The following AXDND1 variants were observed in gnomAD, a reference collection of about 807,000 sequenced individuals.
AXDND1 encodes the protein axonemal dynein light chain domain-containing protein 1.
AXDND1 carries 110 observed loss-of-function variants against 137.5 expected under a neutral mutation model. The ratio of observed to expected loss-of-function variants is 0.80; its 90% CI spans 0.69 to 0.94. The LOEUF (loss-of-function observed/expected upper bound fraction) is 0.94, where lower values mean the gene tolerates loss of function less well. AXDND1 is among the 40% of genes least tolerant of loss of function. AXDND1 has a pLI of 0.00. For missense variants in AXDND1, 1,191 were observed against 1,169.8 expected, an observed-to-expected ratio of 1.02 and a Z score of -0.26; for synonymous variants, 414 against 399.7, an observed-to-expected ratio of 1.04 and a Z score of -0.43.
At chr1:179,528,491 A>G (rs1283549450) in intron 23 of AXDND1, 60 bp downstream of exon 23, 2 of 1,205,638 alleles carry the variant, frequency 1.7e-6, no homozygotes, top group Admixed American at 1.8e-5. Context: ...TAAAAATGAT[A>G]TGGTGCTAAC....
chr1:179,435,286 C>G (rs1657983303), intron 15 of AXDND1, among the ~76,000 whole-genome samples: 2 of 152,102 alleles, frequency 1.3e-5, no homozygotes, highest in African/African-American at 4.8e-5. Flanking sequence ...TTTATAGATT[C>G]AATGCTTTTC....
intron 25 of AXDND1, among the ~76,000 whole-genome samples, chr1:179,547,125 C>A (rs1672723260): frequency 6.6e-6 from 1 of 152,234 alleles, no homozygotes; most frequent in Non-Finnish European, 1.5e-5. Flanking sequence ...AAGTATCCAT[C>A]TACCAGCAAG....
intron 4 of AXDND1, 46 bp from the exon 5 acceptor site, chr1:179,378,591 C>T (rs747522631): frequency 7.1e-7 from 1 of 1,415,414 alleles, no homozygotes; most frequent in South Asian, 1.5e-5. Context: ...TATGTGGTAT[C>T]CAGATAGAAA....
chr1:179,526,840 T>A (rs887376880), intron 22 of AXDND1, among the ~76,000 whole-genome samples: 1 of 152,210 alleles, frequency 6.6e-6, no homozygotes, highest in African/African-American at 2.4e-5. Flanking sequence ...CAAAACCTAC[T>A]GGGTTACTTT....
chr1:179,493,214 A>G (rs11808139), intron 20 of AXDND1, among the ~76,000 whole-genome samples: 1 of 151,230 alleles, frequency 6.6e-6, no homozygotes, highest in Non-Finnish European at 1.5e-5. Flanking sequence ...CTAACACCAA[A>G]GATTTTTTTT....
At chr1:179,370,915 C>T (rs1324187732) in intron 4 of AXDND1, among the ~76,000 whole-genome samples, 1 of 152,088 alleles carries the variant, frequency 6.6e-6, no homozygotes, top group Admixed American at 6.5e-5. Context: ...CTATAATGTG[C>T]TATTTAAGTA....
At chr1:179,391,790 A>G (rs983468175) in intron 9 of AXDND1, among the ~76,000 whole-genome samples, 1 of 152,024 alleles carries the variant, frequency 6.6e-6, no homozygotes, top group African/African-American at 2.4e-5. Flanking sequence ...CACCTGTCTC[A>G]GCCTCCCAAA....
At chr1:179,443,753 A>G (rs922769046) in intron 15 of AXDND1, among the ~76,000 whole-genome samples, 8 of 152,184 alleles carry the variant, frequency 5.3e-5, no homozygotes, top group Non-Finnish European at 1.5e-5. Flanking sequence ...TCAAGGTTCA[A>G]TAATATCCCA....
In AXDND1 at chr1:179,445,097, A is replaced by G; in HGVS notation, c.1691A>G (p.Lys564Arg). Residue 564 changes from lysine to arginine, a missense_variant, in exon 16 of 26, where the codon AAA becomes AGA. Lys to Arg is a conservative substitution (Grantham distance 26). Transcript: ENST00000367618. Reference sequence around the variant, plus strand: ...GGGCTTGGGATATTTAATCGGCATAAAAGTTTGGAGGGGGAGATGCCATCA... The same window carrying G: ...GGGCTTGGGATATTTAATCGGCATAGAAGTTTGGAGGGGGAGATGCCATCA... ...DIGLGIFNRHKSLEGEMPSER... is the reference protein window; with the variant it reads ...DIGLGIFNRHRSLEGEMPSER... 1.2e-6 allele frequency: 2 copies of G among 1,613,616 alleles called. No homozygotes were observed. Among genetic ancestry groups the G allele is most frequent in the East Asian group, 2.2e-5 (1 of 44,844 alleles).
At chr1:179,476,043 T>G (rs1664584464) in intron 17 of AXDND1, among the ~76,000 whole-genome samples, 1 of 152,226 alleles carries the variant, frequency 6.6e-6, no homozygotes, top group Non-Finnish European at 1.5e-5. Context: ...GAAGAGGTAC[T>G]TGCTTTTCCT....
Position 179,379,392 on chromosome 1 carries a change from T to C in AXDND1, c.496-5T>C. 1.2e-6 allele frequency: 2 copies of C among 1,612,172 alleles called. No individual in the cohort carries two copies. The highest frequency in any genetic ancestry group is 2.2e-5 in the South Asian group (2 of 90,720). On this transcript the variant is annotated splice_polypyrimidine_tract_variant and splice_region_variant and intron_variant, in intron 5 of 25. Transcript: ENST00000367618. Reference sequence around the variant, plus strand: ...TCTTTTATTTTGCTTTTCTTTTCTTTTAAGCCAAAGACACTAACAGATACT... The same window carrying C: ...TCTTTTATTTTGCTTTTCTTTTCTTCTAAGCCAAAGACACTAACAGATACT...
intron 11 of AXDND1, among the ~76,000 whole-genome samples, chr1:179,401,519 TC>T (rs1449615573): frequency 2.0e-5 from 3 of 152,168 alleles, no homozygotes; most frequent in Admixed American, 6.5e-5. Flanking sequence ...GTACCTAAGA[TC>T]TAAATTCAGA....
intron 17 of AXDND1, among the ~76,000 whole-genome samples, chr1:179,482,670 C>T (rs1256669426): frequency 6.6e-6 from 1 of 151,904 alleles, no homozygotes. Context: ...TTCTCCATAG[C>T]ACCATTTTTA....
rs866835229 is a variant in AXDND1, at chr1:179,519,962, A to G, written c.2497-5372A>G. Among the ~76,000 whole-genome samples, 8 of 152,236 alleles carry G rather than the reference A, an allele frequency of 5.3e-5. No individual in the cohort carries two copies. In the South Asian group the frequency reaches 6.2e-4, roughly 12 times the overall value. On this transcript the variant is annotated intron_variant, in intron 21 of 25. Coordinates refer to ENST00000367618, the MANE Select transcript of AXDND1 (RefSeq NM_144696.6). ...GTTTGATAGGAATAGCATTGAATCT[A>G]TAAATTGCCCTTGCCAGTATGGCCA...
At chr1:179,503,502 G>T (rs1275844011) in intron 20 of AXDND1, among the ~76,000 whole-genome samples, 3 of 151,364 alleles carry the variant, frequency 2.0e-5, no homozygotes, top group Admixed American at 6.6e-5. Context: ...AATTTTGCCT[G>T]GATTCCTCAG....
intron 12 of AXDND1, among the ~76,000 whole-genome samples, chr1:179,427,054 C>T (rs772843423): frequency 1.3e-5 from 2 of 152,010 alleles, no homozygotes; most frequent in Non-Finnish European, 2.9e-5. Flanking sequence ...ATCCCAGCTA[C>T]TCGGGAGGCT....
intron 17 of AXDND1, among the ~76,000 whole-genome samples, chr1:179,481,567 T>C (rs943399915): frequency 2.6e-5 from 4 of 152,214 alleles, no homozygotes; most frequent in African/African-American, 9.7e-5. Flanking sequence ...CACACTCTTT[T>C]CCACAATGGT....
At chr1:179,369,903 A>T in intron 3 of AXDND1, 72 bp from the exon 4 acceptor site, 1 of 1,219,362 alleles carries the variant, frequency 8.2e-7, no homozygotes, top group Non-Finnish European at 1.2e-6. Flanking sequence ...GTACTTACTC[A>T]AAACTATTAA....
chr1:179,433,939 A>G (rs1197335934), intron 15 of AXDND1, among the ~76,000 whole-genome samples: 1 of 149,048 alleles, frequency 6.7e-6, no homozygotes, highest in Non-Finnish European at 1.5e-5. Context: ...CAATCTGTCT[A>G]ATATTGACAG....
Sources: gnomAD v4.1 joint callset for allele counts (sites outside exome capture counted in the v4.1 genomes callset) on GRCh38, gnomAD v4.1.1 for gene constraint, MANE v1.5 for transcripts, NCBI Gene and HGNC (gene_info 2026-07-23, HGNC 2026-07-21) for gene names.